The following CLYBL variants were observed in gnomAD, a reference collection of about 807,000 sequenced individuals.
CLYBL encodes citramalyl-CoA lyase, mitochondrial.
In CLYBL, 31 loss-of-function variants were observed where a neutral mutation model predicts 38.9. The ratio of observed to expected loss-of-function variants is 0.80; its 90% CI spans 0.60 to 1.08. The LOEUF (loss-of-function observed/expected upper bound fraction) is 1.08, where lower values mean the gene tolerates loss of function less well. CLYBL is among the 50% of genes least tolerant of loss of function. The pLI, the probability that CLYBL is intolerant of heterozygous loss-of-function variation, is 0.00. For synonymous variants in CLYBL, 171 were observed against 158.6 expected, an observed-to-expected ratio of 1.08 and a Z score of -0.59; for missense variants, 434 against 411.6, an observed-to-expected ratio of 1.05 and a Z score of -0.47.
intron 2 of CLYBL, among the ~76,000 whole-genome samples, chr13:99,837,678 G>A (rs1416729413): frequency 1.3e-5 from 2 of 151,564 alleles, no homozygotes; most frequent in African/African-American, 4.9e-5. Context: ...CCTCTTCTCA[G>A]GCAGGTCTTT....
intron 2 of CLYBL, among the ~76,000 whole-genome samples, chr13:99,783,361 T>C (rs902116263): frequency 1.3e-5 from 2 of 151,982 alleles, no homozygotes; most frequent in African/African-American, 4.8e-5. Context: ...GAGTTTTTTA[T>C]TTTAATTATT....
chr13:99,868,400 A>G (rs1019470878), intron 6 of CLYBL, among the ~76,000 whole-genome samples: 1 of 152,094 alleles, frequency 6.6e-6, no homozygotes, highest in African/African-American at 2.4e-5. Context: ...AGGAGAAGAA[A>G]AAGAAGGAAA....
At chr13:99,839,705 A>T (rs914494780) in intron 2 of CLYBL, among the ~76,000 whole-genome samples, 1 of 152,036 alleles carries the variant, frequency 6.6e-6, no homozygotes, top group Non-Finnish European at 1.5e-5. Flanking sequence ...GTGGGTACAT[A>T]GTAGGTATAT....
intron 1 of CLYBL, among the ~76,000 whole-genome samples, chr13:99,721,100 G>T (rs958161314): frequency 6.6e-6 from 1 of 150,502 alleles, no homozygotes; most frequent in Non-Finnish European, 1.5e-5. Flanking sequence ...CTGGAGTGCA[G>T]TGATGTGATA....
intron 1 of CLYBL, among the ~76,000 whole-genome samples, chr13:99,653,261 A>C (rs1175161001): frequency 6.6e-6 from 1 of 152,186 alleles, no homozygotes; most frequent in African/African-American, 2.4e-5. Flanking sequence ...GATGTTTCAG[A>C]ATGGGAGTAT....
chr13:99,701,047 C>A (rs2048057475), intron 1 of CLYBL, among the ~76,000 whole-genome samples: 1 of 152,118 alleles, frequency 6.6e-6, no homozygotes, highest in African/African-American at 2.4e-5. Flanking sequence ...CAGCCAGGAG[C>A]CCAGGCCGGT....
At position 99,624,696 on chromosome 13, in the gene CLYBL, C is replaced by A. The variant is rs535138904; in HGVS notation, c.62+17939C>A. ...CAGCGCTGAGATATCCCCGGGAGAG[C>A]TTGGCCAGTCTGAGTCCATGTGGCC... On this transcript the variant is annotated intron_variant, in intron 1 of 8. Coordinates refer to ENST00000339105, the MANE Select transcript of CLYBL (RefSeq NM_206808.5). 1.3e-4 allele frequency among the ~76,000 whole-genome samples: 20 copies of A among 152,276 alleles called. 1 individual carries two copies. Among genetic ancestry groups the A allele is most frequent in the Non-Finnish European group, 2.5e-4 (17 of 68,022 alleles).
At chr13:99,766,233 T>G (rs1594168473) in intron 1 of CLYBL, among the ~76,000 whole-genome samples, 3 of 152,282 alleles carry the variant, frequency 2.0e-5, no homozygotes, top group South Asian at 2.1e-4. Context: ...TTTTTCTCCT[T>G]TATGTATTTT....
At chr13:99,822,916 G>A (rs1416127655) in intron 2 of CLYBL, among the ~76,000 whole-genome samples, 1 of 152,072 alleles carries the variant, frequency 6.6e-6, no homozygotes, top group Non-Finnish European at 1.5e-5. Context: ...TTAAATGTAA[G>A]ATATTATCTA....
chr13:99,635,825 T>C (rs555630467), intron 1 of CLYBL, among the ~76,000 whole-genome samples: 1 of 152,336 alleles, frequency 6.6e-6, no homozygotes, highest in African/African-American at 2.4e-5. Context: ...AGTTTCCTCA[T>C]CTTTATGGTG....
intron 1 of CLYBL, among the ~76,000 whole-genome samples, chr13:99,734,930 T>G (rs1162136644): frequency 6.6e-6 from 1 of 152,184 alleles, no homozygotes; most frequent in East Asian, 1.9e-4. Context: ...TACCCAGTTT[T>G]ATTTTGAATT....
In CLYBL at chr13:99,869,408, C is replaced by T. The variant is rs1294780264; in HGVS notation, c.803-1530C>T. 6.6e-6 allele frequency among the ~76,000 whole-genome samples: 1 copy of T among 152,052 alleles called. No homozygotes were observed. Among genetic ancestry groups the T allele is most frequent in the Non-Finnish European group, 1.5e-5 (1 of 67,970 alleles). Reference sequence around the variant, plus strand: ...CTGACATCCTTTATTAACAATATCCCGACAACTATTAAATTACTTAAATAT... The same window carrying T: ...CTGACATCCTTTATTAACAATATCCTGACAACTATTAAATTACTTAAATAT... On this transcript the variant is annotated intron_variant, in intron 6 of 8. Transcript: ENST00000339105. This position sits in a 1 kb window ranked among gnomAD's most constrained non-coding sequence, Gnocchi z 4.3.
intron 3 of CLYBL, among the ~76,000 whole-genome samples, chr13:99,862,662 C>T (rs1189662054): frequency 2.0e-5 from 3 of 152,120 alleles, no homozygotes; most frequent in African/African-American, 7.2e-5. Context: ...TTGCATTTAA[C>T]GAAGCGAGGG....
At chr13:99,900,504 T>C (rs1201652833), downstream of CLYBL, among the ~76,000 whole-genome samples, 1 of 152,098 alleles carries the variant, frequency 6.6e-6, no homozygotes, top group East Asian at 1.9e-4. Context: ...GGCTGGAGGA[T>C]TATGCAGTAC....
chr13:99,664,857 G>A (rs1032172581), intron 1 of CLYBL, among the ~76,000 whole-genome samples: 3 of 151,970 alleles, frequency 2.0e-5, no homozygotes, highest in Admixed American at 6.6e-5. Flanking sequence ...ACACAATTAG[G>A]TGAATCTTGT....
intron 2 of CLYBL, among the ~76,000 whole-genome samples, chr13:99,825,894 C>A (rs1304725199): frequency 2.0e-5 from 3 of 152,180 alleles, no homozygotes; most frequent in Admixed American, 1.3e-4. Context: ...CTCCCAGTCC[C>A]CTCTCTGCCC....
At chr13:99,666,648 A>G (rs1269421634) in intron 1 of CLYBL, among the ~76,000 whole-genome samples, 1 of 152,094 alleles carries the variant, frequency 6.6e-6, no homozygotes, top group Non-Finnish European at 1.5e-5. Context: ...ATTGCTTTCT[A>G]TTCCTGCTGG....
chr13:99,750,203 G>T (rs1420625409), intron 1 of CLYBL, among the ~76,000 whole-genome samples: 2 of 152,138 alleles, frequency 1.3e-5, no homozygotes, highest in Non-Finnish European at 2.9e-5. Context: ...GACCCCCTCA[G>T]CCCCCTCAAA....
chr13:99,656,036 C>A (rs146157355), intron 1 of CLYBL, among the ~76,000 whole-genome samples: 1 of 152,308 alleles, frequency 6.6e-6, no homozygotes, highest in East Asian at 1.9e-4. Context: ...GACAGTCTCG[C>A]GGGGAGACCT....
Sources: gnomAD v4.1 joint callset for allele counts (sites outside exome capture counted in the v4.1 genomes callset) on GRCh38, gnomAD v4.1.1 for gene constraint, Gnocchi (gnomAD v3.1) non-coding constraint, MANE v1.5 for transcripts, NCBI Gene and HGNC (gene_info 2026-07-23, HGNC 2026-07-21) for gene names.